GNPTAB: variants seen among roughly 807,000 people sequenced by gnomAD.
GNPTAB encodes the protein N-acetylglucosamine-1-phosphate transferase subunits alpha and beta, also known as N-acetylglucosamine-1-phosphotransferase subunits alpha/beta.
In GNPTAB, 92 loss-of-function variants were observed where a neutral mutation model predicts 136.6. The ratio of observed to expected loss-of-function variants is 0.67; its 90% CI spans 0.57 to 0.80. The LOEUF (loss-of-function observed/expected upper bound fraction) is 0.80. Ranked by LOEUF, GNPTAB falls within the 30% of genes least tolerant of loss-of-function variation. GNPTAB has a pLI of 0.00. For synonymous variants in GNPTAB, 512 were observed against 535.1 expected (o/e 0.96, Z 0.60); for missense variants, 1,343 against 1,501.8 (o/e 0.89, Z 1.75).
At chr12:101,750,089 G>A (rs893518911) in intron 19 of GNPTAB, among the ~76,000 whole-genome samples, 1 of 152,192 alleles carries the variant, frequency 6.6e-6, no homozygotes, top group African/African-American at 2.4e-5. Flanking sequence ...AGACATTCCT[G>A]AGGTAGAATC....
chr12:101,814,586 A>G (rs1870419560), intron 1 of GNPTAB, among the ~76,000 whole-genome samples: 1 of 151,744 alleles, frequency 6.6e-6, no homozygotes. Context: ...AATCCCAGCT[A>G]CTCGTGAGGC....
In GNPTAB at chr12:101,824,405, C is replaced by T. The variant is rs1373984609; in HGVS notation, c.117+6154G>A. ...GATCCACTCCTGCCAGAAATTTCAC[C>T]ATATATATATATATATATATATATA... On this transcript the variant is annotated intron_variant, in intron 1 of 20. Transcript: ENST00000299314. 1.7e-3 allele frequency among the ~76,000 whole-genome samples: 81 copies of T among 47,814 alleles called. 1 individual carries two copies. Among genetic ancestry groups the T allele is most frequent in the African/African-American group, 6.7e-3 (57 of 8,534 alleles). The allele number at this position is 47,814 out of a possible 152,430, so 31.4% of individuals were successfully genotyped here.
intron 1 of GNPTAB, among the ~76,000 whole-genome samples, chr12:101,805,965 T>C (rs1869913281): frequency 6.6e-6 from 1 of 152,166 alleles, no homozygotes; most frequent in Admixed American, 6.5e-5. Context: ...ATTGAGTAAT[T>C]ATGGTACATT....
chr12:101,782,299 A>T (rs1046493229), intron 5 of GNPTAB, among the ~76,000 whole-genome samples: 1 of 152,216 alleles, frequency 6.6e-6, no homozygotes, highest in African/African-American at 2.4e-5. Context: ...ATTAGAATAT[A>T]TAAGTTTTTT....
At chr12:101,817,264 A>ATTTT (rs1566099950) in intron 1 of GNPTAB, among the ~76,000 whole-genome samples, 1 of 119,318 alleles carries the variant, frequency 8.4e-6, no homozygotes, top group African/African-American at 3.3e-5. Context: ...TTATCATTCC[A>ATTTT]CTTTTTTTTT....
At chr12:101,749,776 C>A (rs1010861851) in intron 19 of GNPTAB, among the ~76,000 whole-genome samples, 1 of 152,206 alleles carries the variant, frequency 6.6e-6, no homozygotes, top group Admixed American at 6.5e-5. Context: ...TAGAGTGGCA[C>A]GGTGGCCAGC....
intron 2 of GNPTAB, among the ~76,000 whole-genome samples, chr12:101,794,415 G>C (rs1312669636): frequency 6.6e-6 from 1 of 152,018 alleles, no homozygotes; most frequent in African/African-American, 2.4e-5. Flanking sequence ...TTGGGAGGCT[G>C]AGGTAAGAGG....
chr12:101,804,082 A>T (rs539742144), intron 1 of GNPTAB, among the ~76,000 whole-genome samples: 1,855 of 151,958 alleles, frequency 0.012, 21 homozygotes, highest in Non-Finnish European at 0.014. Context: ...AAAAAAAAAA[A>T]TTTTTAAAGT....
chr12:101,792,717 C>T (rs1869059724), intron 2 of GNPTAB, among the ~76,000 whole-genome samples: 1 of 152,062 alleles, frequency 6.6e-6, no homozygotes, highest in Admixed American at 6.6e-5. Flanking sequence ...GTAAGGAATC[C>T]TGATTGTACT....
chr12:101,761,803 A>G, intron 13 of GNPTAB, 40 bp from the exon 14 acceptor site: 1 of 1,377,464 alleles, frequency 7.3e-7, no homozygotes, highest in Non-Finnish European at 1.0e-6. Flanking sequence ...CATTATGTTT[A>G]GTGCACAAGT....
intron 16 of GNPTAB, among the ~76,000 whole-genome samples, chr12:101,759,025 G>A (rs1952947287): frequency 6.6e-6 from 1 of 152,148 alleles, no homozygotes; most frequent in African/African-American, 2.4e-5. Flanking sequence ...AACTCATACT[G>A]TCTATATGGT....
intron 1 of GNPTAB, among the ~76,000 whole-genome samples, chr12:101,802,392 A>G (rs1016870499): frequency 7.9e-5 from 12 of 152,080 alleles, no homozygotes; most frequent in Admixed American, 5.9e-4. Flanking sequence ...TTGCTGATTA[A>G]TTGGACATAG....
Position 101,761,293 on chromosome 12 carries a change from T to A in GNPTAB, c.2969A>T (p.Asp990Val). Residue 990 changes from aspartate to valine, a missense_variant, in exon 15 of 21, where the codon GAT (aspartate) becomes GTT (valine). Asp to Val is a radical substitution (Grantham distance 152, BLOSUM62 -3). Transcript: ENST00000299314. Reference sequence around the variant, plus strand: ...AAAATAAGAGAAGGCAAACTGCATATCCTCAGAATGGCGCACTTTGTGAAA... The same window carrying A: ...AAAATAAGAGAAGGCAAACTGCATAACCTCAGAATGGCGCACTTTGTGAAA... ...TSFHKVRHSE[D>V]MQFAFSYFYY... The A allele has an allele frequency of 6.2e-7, 1 of 1,614,170 alleles. No individual in the cohort carries two copies. Among genetic ancestry groups the A allele is most frequent in the Non-Finnish European group, 8.5e-7 (1 of 1,180,028 alleles).
intron 12 of GNPTAB, 150 bp from the exon 13 acceptor site, chr12:101,765,454 C>T: frequency 1.5e-6 from 1 of 652,216 alleles, no homozygotes; most frequent in Non-Finnish European, 2.7e-6. Context: ...TGTGCAGGGG[C>T]CATGCTAATG....
At chr12:101,772,283 C>A (rs1490826424) in intron 7 of GNPTAB, among the ~76,000 whole-genome samples, 1 of 152,204 alleles carries the variant, frequency 6.6e-6, no homozygotes, top group East Asian at 1.9e-4. Flanking sequence ...TCTAAAAGAG[C>A]TTACGGTCTT....
intron 18 of GNPTAB, chr12:101,756,131 T>C (rs1021161268): frequency 3.2e-5 from 5 of 154,328 alleles, no homozygotes; most frequent in African/African-American, 7.2e-5. Flanking sequence ...TAGGTAATTA[T>C]TATTGTAGCT....
intron 1 of GNPTAB, among the ~76,000 whole-genome samples, chr12:101,807,733 C>T (rs1870005969): frequency 1.3e-5 from 2 of 152,122 alleles, no homozygotes; most frequent in Non-Finnish European, 2.9e-5. Context: ...AGTTCGAGAC[C>T]AGCCTGGCCA....
chr12:101,755,114 ATCTT>A (rs1225695044), intron 18 of GNPTAB, among the ~76,000 whole-genome samples: 1 of 152,154 alleles, frequency 6.6e-6, no homozygotes, highest in Non-Finnish European at 1.5e-5. Flanking sequence ...ATTTTTAAGA[ATCTT>A]TATATTTTGG....
In GNPTAB at chr12:101,759,760, T is replaced by G. The variant is rs540452163; in HGVS notation, c.3249+270A>C. 1.2e-3 allele frequency among the ~76,000 whole-genome samples: 188 copies of G among 152,330 alleles called. 2 individuals are homozygous for G. Among genetic ancestry groups the G allele is most frequent in the African/African-American group, 4.2e-3 (173 of 41,578 alleles). ...TGTTCTCTCTGGCCAATGAGAATAC[T>G]CTGGGGCTATTTTCTGTCACCCTTA... On this transcript the variant is annotated intron_variant, in intron 16 of 20. Transcript: ENST00000299314.
Sources: allele counts gnomAD v4.1 joint callset (sites outside exome capture counted in the v4.1 genomes callset), GRCh38; gene constraint gnomAD v4.1.1; transcripts MANE v1.5; gene names NCBI Gene and HGNC (gene_info 2026-07-23, HGNC 2026-07-21).